The following TTN variants were observed in gnomAD, a reference collection of about 807,000 sequenced individuals.
TTN encodes titin.
Under a neutral mutation model 3,223.0 loss-of-function variants are expected in TTN, and 1,525 were observed. That is an observed-to-expected ratio of 0.47 (90% CI 0.45 to 0.49). The LOEUF (loss-of-function observed/expected upper bound fraction) is 0.49. TTN is among the 20% of genes least tolerant of loss of function. TTN has a pLI of 0.00. For missense variants in TTN, 40,786 were observed against 43,424.0 expected (o/e 0.94, Z 5.40); for synonymous variants, 14,094 against 15,161.0 (o/e 0.93, Z 5.17).
Position 178,694,688 on chromosome 2 carries a change from T to C in TTN, c.31349-12A>G. The C allele has an allele frequency of 6.5e-7, 1 of 1,535,746 alleles. No individual in the cohort carries two copies. Among genetic ancestry groups the C allele is most frequent in the Non-Finnish European group, 8.8e-7 (1 of 1,139,842 alleles). ...TGAAACTTCAGGTACTTTAAAAATA[T>C]GTACAAATATATTTGTATTTTGAAG... On this transcript the variant is annotated splice_polypyrimidine_tract_variant and intron_variant, in intron 116 of 362. Transcript: ENST00000589042.
chr2:178,548,013 T>C lies in TTN; in HGVS notation c.93613A>G (p.Ile31205Val). The C allele has an allele frequency of 6.2e-7, 1 of 1,613,802 alleles. No homozygotes were observed. Among genetic ancestry groups the C allele is most frequent in the South Asian group, 1.1e-5 (1 of 91,072 alleles). Residue 31205 changes from isoleucine to valine, a missense_variant, in exon 339 of 363, where the codon ATC becomes GTC. Physicochemically the swap from Ile to Val is conservative, Grantham distance 29. Coordinates refer to ENST00000589042, the MANE Select transcript of TTN (RefSeq NM_001267550.2). The surrounding 1 kb of genome is among the most constrained non-coding windows in gnomAD (Gnocchi z 4.3). Reference protein sequence around the residue: ...SEPREAFSSVIIKEPQIEPTA... With the variant: ...SEPREAFSSVVIKEPQIEPTA... Reference sequence around the variant, plus strand: ...GGCTCGATTTGAGGCTCCTTAATGATGACAGAAGAGAAGGCTTCTCTGGGT... The same window carrying C: ...GGCTCGATTTGAGGCTCCTTAATGACGACAGAAGAGAAGGCTTCTCTGGGT...
In TTN at chr2:178,773,863, G is replaced by A; in HGVS notation, c.7305C>T (p.Ser2435=). The change falls in exon 31 of 363, where the codon TCC becomes TCT. Residue 2435 remains serine, a synonymous_variant. Coordinates refer to ENST00000589042, the MANE Select transcript of TTN (RefSeq NM_001267550.2). ...TATAGACAGAGACACGCCCACTGGT[G>A]GAGAGGCCAAGGGCTGGAATGGTGA... ...YSFTIPALGL[S]TSGRVSVYSV... The A allele has an allele frequency of 6.2e-7, 1 of 1,614,092 alleles. No homozygotes were observed. Among genetic ancestry groups the A allele is most frequent in the Non-Finnish European group, 8.5e-7 (1 of 1,179,986 alleles).
At chr2:178,612,219 T>C in intron 266 of TTN, 57 bp from the exon 267 acceptor site, 1 of 1,603,658 alleles carries the variant, frequency 6.2e-7, no homozygotes, top group East Asian at 2.3e-5. Flanking sequence ...TAATCTCCTG[T>C]CACAAAAATT....
chr2:178,665,620 C>G (rs2065795872), intron 164 of TTN, 88 bp downstream of exon 164: 3 of 1,245,638 alleles, frequency 2.4e-6, no homozygotes, highest in Non-Finnish European at 3.3e-6. Context: ...TATTAATTGT[C>G]TTTGTTTATT....
intron 65 of TTN, 38 bp downstream of exon 65, chr2:178,728,853 C>T (rs751069770): frequency 1.0e-5 from 16 of 1,570,876 alleles, no homozygotes; most frequent in African/African-American, 6.8e-5. Context: ...ATGAAACTGT[C>T]GCTATAGACT....
chr2:178,667,258 A>G lies in TTN; in HGVS notation c.35775T>C (p.Ile11925=), dbSNP rs1350409916. The change falls in exon 162 of 363, where the codon ATT becomes ATC. Residue 11925 remains isoleucine (I), a synonymous_variant. Transcript: ENST00000589042. ...EVEPPEAIPE[I]PEHPPTEEFE... ...TACCTTCAGTTGGAGGATGTTCTGG[A>G]ATTTCAGGAATAGCCTCAGGTGGCT... 1.9e-6 allele frequency: 3 copies of G among 1,603,924 alleles called. 1 individual carries two copies. The highest frequency in any genetic ancestry group is 2.2e-5 in the South Asian group (2 of 89,236).
rs2054509019 is a variant in TTN at position 178,605,296 on chromosome 2, C to T, written c.53882-1G>A. On this transcript the variant is annotated splice_acceptor_variant, in intron 279 of 362. Coordinates refer to ENST00000589042, the MANE Select transcript of TTN (RefSeq NM_001267550.2). LOFTEE classifies it high-confidence loss of function. ...AGACGCAACTTAATAGTTGGAGGCACTGCAAAGAGAAGAGAAAGAAAAACA... is the reference window on the plus strand; with the variant it reads ...AGACGCAACTTAATAGTTGGAGGCATTGCAAAGAGAAGAGAAAGAAAAACA... 1 of 1,563,230 alleles carries T rather than the reference C, an allele frequency of 6.4e-7. No homozygotes were observed. Among genetic ancestry groups the T allele is most frequent in the Non-Finnish European group, 8.6e-7 (1 of 1,157,080 alleles).
rs755067124 is a variant in TTN at position 178,530,303 on chromosome 2, T to C, written c.106312A>G (p.Lys35438Glu). ...DTTVSSDSVA[K>E]FAVKATGEPR... ...TCTCCAGTAGCCTTAACTGCAAATTTAGCAACACTGTCTGAAGAAACAGTT... is the reference window on the plus strand; with the variant it reads ...TCTCCAGTAGCCTTAACTGCAAATTCAGCAACACTGTCTGAAGAAACAGTT... The change falls in exon 358 of 363, where the codon AAA becomes GAA. Residue 35438 changes from lysine to glutamate, a missense_variant. By Grantham distance (56) the Lys-to-Glu change is moderately conservative. Transcript: ENST00000589042. 5 of 1,613,574 alleles carry C rather than the reference T, an allele frequency of 3.1e-6. No individual in the cohort carries two copies. The African/African-American group carries it at 4.0e-5, about 13-fold the overall frequency.
At chr2:178,708,302 C>A (rs1363649513) in intron 99 of TTN, among the ~76,000 whole-genome samples, 1 of 152,128 alleles carries the variant, frequency 6.6e-6, no homozygotes, top group Non-Finnish European at 1.5e-5. Context: ...CTCTGATGTT[C>A]ATCTTTAGCT....
At chr2:178,772,339 C>A (rs886756654) in intron 33 of TTN, among the ~76,000 whole-genome samples, 4 of 152,054 alleles carry the variant, frequency 2.6e-5, no homozygotes, top group Admixed American at 6.6e-5. Flanking sequence ...TACCATATGA[C>A]TTGCTTCAAT....
Position 178,580,559 on chromosome 2 carries a change from G to A in TTN, c.66820C>T (p.Arg22274Cys), listed in dbSNP as rs770627108. Residue 22274 changes from arginine to cysteine, a missense_variant, in exon 317 of 363, where the codon CGT (arginine) becomes TGT (cysteine). Transcript: ENST00000589042. ...TATAGTCTCATAGTAACTCCAGCACGTAATATGAGTGTCTTCCTTAAGTCC... is the reference window on the plus strand; with the variant it reads ...TATAGTCTCATAGTAACTCCAGCACATAATATGAGTGTCTTCCTTAAGTCC... ...DADLRKTLIL[R>C]AGVTMRLYVP... 38 of 1,612,200 alleles carry A rather than the reference G, an allele frequency of 2.4e-5. No homozygotes were observed. Among genetic ancestry groups the A allele is most frequent in the Admixed American group, 3.3e-5 (2 of 59,860 alleles).
At position 178,583,606 on chromosome 2, in the gene TTN, C is replaced by A; in HGVS notation, c.65575+1G>T. On this transcript the variant is annotated splice_donor_variant, in intron 312 of 362. Transcript: ENST00000589042. LOFTEE classifies it high-confidence loss of function. The stretch of plus-strand genomic sequence containing the variant: ...GCCTATAATACTCAGCAGAATCTTA[C>A]CATTTTCTGCGAGGATAGTCACTGG... 6.3e-7 allele frequency: 1 copy of A among 1,590,822 alleles called. No homozygotes were observed. The highest frequency in any genetic ancestry group is 8.6e-7 in the Non-Finnish European group (1 of 1,166,430).
Position 178,714,540 on chromosome 2 carries a change from A to G in TTN, c.26234T>C (p.Ile8745Thr), listed in dbSNP as rs1176501015. The change falls in exon 91 of 363, where the codon ATA (isoleucine) becomes ACA (threonine). Residue 8745 changes from isoleucine (I) to threonine (T), a missense_variant. By Grantham distance (89) the Ile-to-Thr change is moderately conservative. Transcript: ENST00000589042. ...AACTTCTTTACCAACGACAGTAGATATGTCACTGAGCTTCTTCACAAATCT... is the reference window on the plus strand; with the variant it reads ...AACTTCTTTACCAACGACAGTAGATGTGTCACTGAGCTTCTTCACAAATCT... ...PPRFVKKLSD[I>T]STVVGKEVQL... 1 of 1,611,634 alleles carries G rather than the reference A, an allele frequency of 6.2e-7. No individual in the cohort carries two copies. The highest frequency in any genetic ancestry group is 1.7e-5 in the Admixed American group (1 of 59,914).
rs1028436080 is a variant in TTN at position 178,527,296 on chromosome 2, T to C, written c.107692A>G (p.Lys35898Glu). ...ATATCAGATGGAAGAGCTTCAATTT[T>C]AGGCGGAATTCCTTTATGGAACAAT... ...LKAGIRGIPP[K>E]IEALPSDISI... Residue 35898 changes from lysine (K) to glutamate (E), a missense_variant, in exon 363 of 363, where the codon AAA becomes GAA. Coordinates refer to ENST00000589042, the MANE Select transcript of TTN (RefSeq NM_001267550.2). The C allele has an allele frequency of 3.8e-6, 6 of 1,593,648 alleles. No homozygotes were observed. The Admixed American group carries it at 7.0e-5, about 19-fold the overall frequency.
intron 47 of TTN, chr2:178,748,963 T>C (rs1239836951): frequency 6.2e-7 from 1 of 1,612,530 alleles, no homozygotes. Context: ...CAATTGATGT[T>C]CTGGTAGGTC....
chr2:178,575,670 T>C lies in TTN; in HGVS notation c.70462A>G (p.Lys23488Glu). 2 of 1,613,610 alleles carry C rather than the reference T, an allele frequency of 1.2e-6. No homozygotes were observed. Among genetic ancestry groups the C allele is most frequent in the Non-Finnish European group, 1.7e-6 (2 of 1,179,660 alleles). The change falls in exon 326 of 363, where the codon AAG becomes GAG. Residue 23488 changes from lysine to glutamate, a missense_variant. Coordinates refer to ENST00000589042, the MANE Select transcript of TTN (RefSeq NM_001267550.2). The surrounding 1 kb of genome is among the most constrained non-coding windows in gnomAD (Gnocchi z 4.0). Reference protein sequence around the residue: ...TRKSYSTATTKCHKCTYKVTG... With the variant: ...TRKSYSTATTECHKCTYKVTG... ...ACTTTATATGTGCATTTATGGCACT[T>C]AGTGGTGGCTGTGGAATAAGATTTC...
Position 178,546,245 on chromosome 2 carries a change from T to C in TTN, c.95086A>G (p.Thr31696Ala), listed in dbSNP as rs1205411867. ...TTGACCATGACAGACACGGCCTTGG[T>C]CCCGCTGGCATTTTTCACTGTTAAA... The part of the protein sequence containing the change: ...YTLTVKNASG[T>A]KAVSVMVKVL... Residue 31696 changes from threonine (T) to alanine (A), a missense_variant, in exon 342 of 363, where the codon ACC becomes GCC. Coordinates refer to ENST00000589042, the MANE Select transcript of TTN (RefSeq NM_001267550.2). 4 of 1,613,070 alleles carry C rather than the reference T, an allele frequency of 2.5e-6. No homozygotes were observed. Among genetic ancestry groups the C allele is most frequent in the Non-Finnish European group, 3.4e-6 (4 of 1,179,254 alleles).
intron 147 of TTN, 76 bp downstream of exon 147, chr2:178,677,125 C>G: frequency 1.0e-6 from 1 of 996,092 alleles, no homozygotes; most frequent in Admixed American, 4.6e-5. Flanking sequence ...TATAATTTTC[C>G]TAAAACCCAG....
intron 155 of TTN, 102 bp from the exon 156 acceptor site, chr2:178,671,272 A>G: frequency 4.1e-6 from 3 of 734,390 alleles, no homozygotes; most frequent in Non-Finnish European, 4.2e-6. Flanking sequence ...TTCTTTATCT[A>G]TATTTTTTTA....
Sources: gnomAD v4.1 joint callset for allele counts (sites outside exome capture counted in the v4.1 genomes callset) on GRCh38, gnomAD v4.1.1 for gene constraint, Gnocchi (gnomAD v3.1) non-coding constraint, MANE v1.5 for transcripts, NCBI Gene and HGNC (gene_info 2026-07-23, HGNC 2026-07-21) for gene names.